XKR5: variants seen among roughly 807,000 people sequenced by gnomAD.
The protein encoded by XKR5 is XK-related protein 5.
In XKR5, 46 loss-of-function variants were observed where a neutral mutation model predicts 40.8. The observed-to-expected ratio is 1.13, with a 90% CI of 0.89 to 1.44. XKR5 has a LOEUF of 1.44. Among genes scored for constraint, XKR5 ranks in the 40% most tolerant of loss-of-function variants. The pLI, the probability that XKR5 is intolerant of heterozygous loss-of-function variation, is 0.00. For synonymous variants in XKR5, 466 were observed against 356.1 expected, an observed-to-expected ratio of 1.31 and a Z score of -3.48; for missense variants, 1,169 against 844.7, an observed-to-expected ratio of 1.38 and a Z score of -4.76.
chr8:6,820,615 T>C (rs1264807082), intron 5 of XKR5, among the ~76,000 whole-genome samples: 1 of 152,216 alleles, frequency 6.6e-6, no homozygotes, highest in Non-Finnish European at 1.5e-5. Flanking sequence ...GGGATCATGT[T>C]GGTTGGGAGG....
Position 6,808,525 on chromosome 8 carries a change from T to G in XKR5, c.*2673A>C, listed in dbSNP as rs1157447997. ...TAGGTGCTCAGCAGGCATTTTTGAA[T>G]TAAGTGTCCATTTATTAGTCTTCTC... On this transcript the variant is annotated 3_prime_UTR_variant, in exon 7 of 7. Coordinates refer to ENST00000618742, the MANE Select transcript of XKR5 (RefSeq NM_207411.5). The G allele has an allele frequency of 2.0e-5, 3 of 152,192 alleles. No homozygotes were observed. Among genetic ancestry groups the G allele is most frequent in the Admixed American group, 2.0e-4 (3 of 15,284 alleles). 9.4% of individuals were successfully genotyped at this position (152,192 alleles called of 1,614,324 possible).
At position 6,811,767 on chromosome 8, in the gene XKR5, C is replaced by G. The variant is rs1033498537; in HGVS notation, c.1492G>C (p.Ala498Pro). ...GTGGCTGCTGGGTTCTGGGTAGGTG[C>G]TTCATCCTGCTGATCGCTGGCAAAA... ...VSFASDQQDE[A>P]PTQNPAATQG... The change falls in exon 7 of 7, where the codon GCA (alanine) becomes CCA (proline). Residue 498 changes from alanine (A) to proline (P), a missense_variant. Physicochemically the swap from Ala to Pro is conservative, Grantham distance 27. Coordinates refer to ENST00000618742, the MANE Select transcript of XKR5 (RefSeq NM_207411.5). 1 of 1,537,614 alleles carries G rather than the reference C, an allele frequency of 6.5e-7. No homozygotes were observed. Among genetic ancestry groups the G allele is most frequent in the Non-Finnish European group, 8.7e-7 (1 of 1,147,002 alleles).
At chr8:6,834,990 C>T (rs1416552372) in intron 1 of XKR5, among the ~76,000 whole-genome samples, 5 of 152,226 alleles carry the variant, frequency 3.3e-5, no homozygotes, top group African/African-American at 4.8e-5. Context: ...CAGGGTCCCC[C>T]TGGACGGCCG....
intron 2 of XKR5, among the ~76,000 whole-genome samples, chr8:6,831,594 C>A (rs1247936544): frequency 2.0e-5 from 3 of 152,144 alleles, no homozygotes; most frequent in Admixed American, 1.3e-4. Flanking sequence ...CAGGCATAAA[C>A]CCCTAGGACA....
At chr8:6,832,404 G>C (rs547598623) in intron 2 of XKR5, among the ~76,000 whole-genome samples, 40 of 152,336 alleles carry the variant, frequency 2.6e-4, no homozygotes, top group African/African-American at 9.6e-4. Flanking sequence ...TAAGTAAGTT[G>C]CTTTATATGG....
chr8:6,811,119 A>C lies in XKR5; in HGVS notation c.*79T>G. The C allele has an allele frequency of 7.3e-7, 1 of 1,367,778 alleles. No individual in the cohort carries two copies. Among genetic ancestry groups the C allele is most frequent in the Non-Finnish European group, 9.8e-7 (1 of 1,025,068 alleles). 84.7% of individuals were successfully genotyped at this position (1,367,778 alleles called of 1,614,324 possible). A position where few individuals can be genotyped will look rare whatever the true frequency, so the allele number is the denominator to read the frequency against. On this transcript the variant is annotated 3_prime_UTR_variant, in exon 7 of 7. Transcript: ENST00000618742. Reference sequence around the variant, plus strand: ...ATGTGCCCAAGGACACAGGTGTCAGAAGTGGGATTTCCTTTCTCACGGTAC... The same window carrying C: ...ATGTGCCCAAGGACACAGGTGTCAGCAGTGGGATTTCCTTTCTCACGGTAC...
In XKR5 at chr8:6,811,013, G is replaced by A. The variant is rs1313583489; in HGVS notation, c.*185C>T. The A allele has an allele frequency of 1.9e-5, 12 of 616,530 alleles. No homozygotes were observed. The highest frequency in any genetic ancestry group is 3.1e-5 in the Admixed American group (1 of 32,156). 38.2% of individuals were successfully genotyped at this position (616,530 alleles called of 1,614,324 possible). A position where few individuals can be genotyped will look rare whatever the true frequency, so the allele number is the denominator to read the frequency against. ...CCTATGCATGGGTGGGGTCTGTGAT[G>A]TTTGCATTGGACCTGCAAAATCATC... On this transcript the variant is annotated 3_prime_UTR_variant, in exon 7 of 7. Transcript: ENST00000618742.
Position 6,822,161 on chromosome 8 carries a change from T to C in XKR5, c.638-123A>G, listed in dbSNP as rs1169950857. The C allele has an allele frequency of 3.2e-6, 3 of 940,468 alleles. No individual in the cohort carries two copies. In the Admixed American group the frequency reaches 9.1e-5, roughly 29 times the overall value. 58.3% of individuals were successfully genotyped at this position (940,468 alleles called of 1,614,324 possible). A position where few individuals can be genotyped will look rare whatever the true frequency, so the allele number is the denominator to read the frequency against. On this transcript the variant is annotated intron_variant, in intron 4 of 6. Transcript: ENST00000618742. Reference sequence around the variant, plus strand: ...ATTTGACTCAGCATCCAAGAAGAGATATCAAAACCCAGAAGAGATTTGAGG... The same window carrying C: ...ATTTGACTCAGCATCCAAGAAGAGACATCAAAACCCAGAAGAGATTTGAGG...
rs748411790 is a variant in XKR5 at position 6,823,760 on chromosome 8, C to G, written c.428-30G>C. On this transcript the variant is annotated intron_variant, in intron 3 of 6. Coordinates refer to ENST00000618742, the MANE Select transcript of XKR5 (RefSeq NM_207411.5). ...AAGGGAAGCAGAAAGATGTGGTATGCTCTGAAGATTCCGAAGTAACAGTAC... is the reference window on the plus strand; with the variant it reads ...AAGGGAAGCAGAAAGATGTGGTATGGTCTGAAGATTCCGAAGTAACAGTAC... The G allele has an allele frequency of 2.0e-6, 3 of 1,523,202 alleles. No homozygotes were observed. In the Admixed American group the frequency reaches 5.9e-5, roughly 30 times the overall value. The allele number at this position is 1,523,202 out of a possible 1,614,324, so 94.4% of individuals were successfully genotyped here. A position where few individuals can be genotyped will look rare whatever the true frequency, so the allele number is the denominator to read the frequency against.
rs182635679 is a variant in XKR5 at position 6,811,782 on chromosome 8, C to T, written c.1477G>A (p.Asp493Asn). ...TGGGTAGGTGCTTCATCCTGCTGATCGCTGGCAAAAGATACGTAACTTGAG... is the reference window on the plus strand; with the variant it reads ...TGGGTAGGTGCTTCATCCTGCTGATTGCTGGCAAAAGATACGTAACTTGAG... ...ETSSYVSFAS[D>N]QQDEAPTQNP... The change falls in exon 7 of 7, where the codon GAT (aspartate) becomes AAT (asparagine). Residue 493 changes from aspartate (D) to asparagine (N), a missense_variant. Transcript: ENST00000618742. 92 of 1,537,534 alleles carry T rather than the reference C, an allele frequency of 6.0e-5. No individual in the cohort carries two copies. Among genetic ancestry groups the T allele is most frequent in the Non-Finnish European group, 7.6e-5 (87 of 1,147,036 alleles).
intron 3 of XKR5, among the ~76,000 whole-genome samples, 183 bp downstream of exon 3, chr8:6,824,980 ACT>A: frequency 6.6e-6 from 1 of 152,132 alleles, no homozygotes; most frequent in Non-Finnish European, 1.5e-5. Flanking sequence ...AAGGGAGCCA[ACT>A]CTCTGTAAAC....
intron 2 of XKR5, chr8:6,829,062 C>G (rs1229738959): frequency 1.3e-5 from 2 of 152,626 alleles, no homozygotes; most frequent in Non-Finnish European, 1.5e-5. Context: ...TCAAGCCTCA[C>G]TCGAGGGATC....
chr8:6,808,930 A>T lies in XKR5; in HGVS notation c.*2268T>A, dbSNP rs1040901903. The T allele has an allele frequency of 2.0e-5, 3 of 152,210 alleles. No individual in the cohort carries two copies. Among genetic ancestry groups the T allele is most frequent in the Non-Finnish European group, 4.4e-5 (3 of 68,050 alleles). The allele number at this position is 152,210 out of a possible 1,614,324, so 9.4% of individuals were successfully genotyped here. A position where few individuals can be genotyped will look rare whatever the true frequency, so the allele number is the denominator to read the frequency against. On this transcript the variant is annotated 3_prime_UTR_variant, in exon 7 of 7. Transcript: ENST00000618742. Reference sequence around the variant, plus strand: ...TGAATTCATGCTGTTGAATGCTCTAACGCCTACTTTTGCTGGACACTCTGC... The same window carrying T: ...TGAATTCATGCTGTTGAATGCTCTATCGCCTACTTTTGCTGGACACTCTGC...
chr8:6,834,886 C>A (rs1287362596), intron 1 of XKR5, among the ~76,000 whole-genome samples: 8 of 152,204 alleles, frequency 5.3e-5, no homozygotes, highest in Admixed American at 2.6e-4. Context: ...CCGTCCTAAA[C>A]CCCGAAGCGG....
chr8:6,830,464 T>C (rs1237064014), intron 2 of XKR5, among the ~76,000 whole-genome samples: 1 of 152,214 alleles, frequency 6.6e-6, no homozygotes, highest in Non-Finnish European at 1.5e-5. Flanking sequence ...TTTTGGTTCA[T>C]GTTTAACCTG....
At chr8:6,826,173 ATG>A (rs1271068978) in intron 2 of XKR5, among the ~76,000 whole-genome samples, 5 of 150,516 alleles carry the variant, frequency 3.3e-5, no homozygotes, top group Non-Finnish European at 7.4e-5. Context: ...GCATGTATGC[ATG>A]TGTGTGTGCA....
At chr8:6,821,479 T>C (rs1282572271) in intron 5 of XKR5, among the ~76,000 whole-genome samples, 1 of 152,254 alleles carries the variant, frequency 6.6e-6, no homozygotes, top group East Asian at 1.9e-4. Flanking sequence ...GTGTTTCTGA[T>C]ACTCTCTAGG....
At chr8:6,816,765 A>T (rs1050913576) in intron 5 of XKR5, among the ~76,000 whole-genome samples, 4 of 148,278 alleles carry the variant, frequency 2.7e-5, no homozygotes, top group African/African-American at 9.8e-5. Context: ...TTTATATTAA[A>T]TACTGTGTAT....
chr8:6,813,726 C>A (rs903753261), intron 6 of XKR5, among the ~76,000 whole-genome samples: 2 of 152,058 alleles, frequency 1.3e-5, no homozygotes, highest in African/African-American at 2.4e-5. Context: ...CTATGGGCTC[C>A]CTACTCACTG....
Sources: allele counts gnomAD v4.1 joint callset (sites outside exome capture counted in the v4.1 genomes callset), GRCh38; gene constraint gnomAD v4.1.1; transcripts MANE v1.5; gene names NCBI Gene and HGNC (gene_info 2026-07-23, HGNC 2026-07-21).